The following STT3B variants were observed in gnomAD, a reference collection of about 807,000 sequenced individuals.
The protein encoded by STT3B is dolichyl-diphosphooligosaccharide--protein glycosyltransferase subunit STT3B.
STT3B carries 29 observed loss-of-function variants against 96.8 expected under a neutral mutation model. That is an observed-to-expected ratio of 0.30 (90% CI 0.22 to 0.41). The LOEUF (loss-of-function observed/expected upper bound fraction) is 0.41, where lower values mean the gene tolerates loss of function less well. STT3B is among the 10% of genes least tolerant of loss of function. The probability of loss-of-function intolerance (pLI) is 1.00; values close to 1 mark genes in which losing one functional copy is unlikely to be tolerated. For synonymous variants in STT3B, 367 were observed against 360.0 expected (o/e 1.02, Z -0.22); for missense variants, 640 against 1,022.3 (o/e 0.63, Z 5.10).
chr3:31,629,035 GGTTGAGGCTGCAGT>G (rs1356950995), intron 13 of STT3B, among the ~76,000 whole-genome samples: 8 of 152,262 alleles, frequency 5.3e-5, no homozygotes, highest in African/African-American at 1.9e-4. Flanking sequence ...GAGCCCAGGA[GGTTGAGGCTGCAGT>G]GAGCCACAGT....
chr3:31,539,448 C>T (rs1221830849), intron 1 of STT3B, among the ~76,000 whole-genome samples: 1 of 152,108 alleles, frequency 6.6e-6, no homozygotes, highest in Admixed American at 6.5e-5. Flanking sequence ...TTCAGTATTT[C>T]CCACAAGAAT....
At chr3:31,551,492 C>G (rs999482930) in intron 1 of STT3B, among the ~76,000 whole-genome samples, 14 of 152,154 alleles carry the variant, frequency 9.2e-5, no homozygotes, top group Non-Finnish European at 1.9e-4. Flanking sequence ...GCTGGGATTA[C>G]CTGCATGAGC....
At chr3:31,555,411 CTG>C (rs1442589450) in intron 1 of STT3B, among the ~76,000 whole-genome samples, 7 of 152,198 alleles carry the variant, frequency 4.6e-5, no homozygotes, top group African/African-American at 1.4e-4. Flanking sequence ...ATTTTGATAT[CTG>C]TATTCTATTT....
intron 1 of STT3B, among the ~76,000 whole-genome samples, chr3:31,538,564 A>G (rs1033000075): frequency 2.6e-5 from 4 of 152,140 alleles, no homozygotes; most frequent in African/African-American, 9.7e-5. Context: ...AATTATTAGA[A>G]GGCTTTTATA....
intron 1 of STT3B, among the ~76,000 whole-genome samples, chr3:31,539,808 C>T (rs556573438): frequency 8.5e-5 from 13 of 152,120 alleles, no homozygotes; most frequent in African/African-American, 3.1e-4. Flanking sequence ...GAATATTGTT[C>T]TTATTTAGAT....
intron 15 of STT3B, 87 bp downstream of exon 15, chr3:31,633,234 C>A: frequency 8.6e-7 from 1 of 1,167,048 alleles, no homozygotes. Flanking sequence ...AATAAATTTC[C>A]ATCTGCCAGA....
intron 13 of STT3B, among the ~76,000 whole-genome samples, chr3:31,628,146 G>A (rs1478909667): frequency 7.5e-6 from 1 of 133,580 alleles, no homozygotes; most frequent in Non-Finnish European, 1.5e-5. Context: ...GATCGATGTA[G>A]CCATTTCACA....
At position 31,629,351 on chromosome 3, in the gene STT3B, C is replaced by G; in HGVS notation, c.2127C>G (p.Ser709=). 1.2e-6 allele frequency: 2 copies of G among 1,610,940 alleles called. No homozygotes were observed. The highest frequency in any genetic ancestry group is 1.7e-6 in the Non-Finnish European group (2 of 1,178,542). Residue 709 remains serine (S), a synonymous_variant, in exon 14 of 16, where the codon TCC becomes TCG. Coordinates refer to ENST00000295770, the MANE Select transcript of STT3B (RefSeq NM_178862.3). ...AATTCCGTGTAGACAAAGCAGGATC[C>G]CCTACTTTGTTGAATTGCCTTATGT... ...QGEFRVDKAG[S]PTLLNCLMYK... is the part of the protein sequence containing the mutation.
At chr3:31,595,514 A>G (rs916224560) in intron 3 of STT3B, among the ~76,000 whole-genome samples, 3 of 151,702 alleles carry the variant, frequency 2.0e-5, no homozygotes, top group Non-Finnish European at 4.4e-5. Flanking sequence ...TGTTACTCTC[A>G]TTTCTGTTTT....
In STT3B at chr3:31,563,607, A is replaced by C. The variant is rs1697931389; in HGVS notation, c.315-12789A>C. Among the ~76,000 whole-genome samples the C allele has an allele frequency of 2.0e-5, 3 of 152,236 alleles. No homozygotes were observed. In the South Asian group the frequency reaches 6.2e-4, roughly 32 times the overall value. On this transcript the variant is annotated intron_variant, in intron 1 of 15. Transcript: ENST00000295770. ...GCCTTTCTGAGATAATATTTGAACT[A>C]AAATCAGAATGACAAGGAATTAGGG...
At chr3:31,588,899 T>G (rs924841428) in intron 3 of STT3B, among the ~76,000 whole-genome samples, 2 of 151,906 alleles carry the variant, frequency 1.3e-5, no homozygotes, top group African/African-American at 4.8e-5. Flanking sequence ...TGTAGTTGTA[T>G]GATAAGTCTT....
Position 31,629,424 on chromosome 3 carries a change from C to G in STT3B, c.2187+13C>G. ...TGGAGAAATGCAGGTTAGTTAAATC[C>G]ATTTTTCTCTAATTTTCATTCAAAA... On this transcript the variant is annotated intron_variant, in intron 14 of 15. Transcript: ENST00000295770. The G allele has an allele frequency of 7.2e-7, 1 of 1,386,678 alleles. No individual in the cohort carries two copies. The highest frequency in any genetic ancestry group is 2.3e-5 in the East Asian group (1 of 42,962). The allele number at this position is 1,386,678 out of a possible 1,614,324, so 85.9% of individuals were successfully genotyped here.
At chr3:31,595,438 C>T (rs1213218896) in intron 3 of STT3B, among the ~76,000 whole-genome samples, 1 of 152,056 alleles carries the variant, frequency 6.6e-6, no homozygotes, top group African/African-American at 2.4e-5. Flanking sequence ...TTATTGATCC[C>T]TCTCTCCTTG....
chr3:31,579,690 T>G, intron 2 of STT3B, 119 bp from the exon 3 acceptor site: 32 of 783,534 alleles, frequency 4.1e-5, no homozygotes, highest in Non-Finnish European at 5.9e-5. Context: ...CAAATTGTTT[T>G]GAGATGTTGC....
At chr3:31,572,870 G>A (rs1364847047) in intron 1 of STT3B, among the ~76,000 whole-genome samples, 1 of 152,196 alleles carries the variant, frequency 6.6e-6, no homozygotes, top group East Asian at 1.9e-4. Flanking sequence ...TGTCCTTTGA[G>A]TTTGTGAAGT....
intron 2 of STT3B, 142 bp from the exon 3 acceptor site, chr3:31,579,667 T>TA: frequency 1.6e-6 from 1 of 640,088 alleles, no homozygotes; most frequent in East Asian, 2.9e-5. Context: ...TTTTTTGTAG[T>TA]TTATAAAGAA....
chr3:31,622,441 T>C, intron 10 of STT3B, 133 bp downstream of exon 10: 2 of 756,794 alleles, frequency 2.6e-6, no homozygotes, highest in Non-Finnish European at 4.2e-6. Context: ...CTAGTTGGTC[T>C]CCACTGTTTG....
intron 1 of STT3B, among the ~76,000 whole-genome samples, chr3:31,562,972 C>T (rs1239253748): frequency 6.6e-6 from 1 of 152,170 alleles, no homozygotes; most frequent in Admixed American, 6.5e-5. Flanking sequence ...AAGGAGCTCT[C>T]CTGTGGCTAG....
chr3:31,614,425 G>T (rs1320491136), intron 5 of STT3B, among the ~76,000 whole-genome samples: 1 of 151,806 alleles, frequency 6.6e-6, no homozygotes, highest in Non-Finnish European at 1.5e-5. Context: ...CAGTTTCCTT[G>T]TCCATTTAGA....
Sources: allele counts gnomAD v4.1 joint callset (sites outside exome capture counted in the v4.1 genomes callset), GRCh38; gene constraint gnomAD v4.1.1; transcripts MANE v1.5; gene names NCBI Gene and HGNC (gene_info 2026-07-23, HGNC 2026-07-21).